The following DOCK10 variants were observed in gnomAD, a reference collection of about 807,000 sequenced individuals.
DOCK10 encodes the protein dedicator of cytokinesis 10.
DOCK10 carries 145 observed loss-of-function variants against 280.1 expected under a neutral mutation model. The observed-to-expected ratio is 0.52, with a 90% CI of 0.45 to 0.59. The LOEUF is 0.59. DOCK10 is among the 20% of genes least tolerant of loss of function. The pLI, the probability that DOCK10 is intolerant of heterozygous loss-of-function variation, is 0.00. For synonymous variants in DOCK10, 915 were observed against 942.2 expected (o/e 0.97, Z 0.53); for missense variants, 2,368 against 2,651.7 (o/e 0.89, Z 2.35).
intron 1 of DOCK10, among the ~76,000 whole-genome samples, chr2:224,952,623 T>C (rs865785778): frequency 1.3e-3 from 201 of 150,818 alleles, no homozygotes; most frequent in African/African-American, 4.7e-3. Flanking sequence ...GACGGAGTCT[T>C]GCTCTGTCGC....
chr2:224,870,335 C>T (rs140622386), intron 11 of DOCK10, among the ~76,000 whole-genome samples: 2,164 of 152,274 alleles, frequency 0.014, 45 homozygotes, highest in Admixed American at 0.043. Context: ...GTATGTCTTT[C>T]TTAGCAGCAT....
chr2:224,907,895 C>T (rs1700754866), intron 3 of DOCK10, among the ~76,000 whole-genome samples: 1 of 152,200 alleles, frequency 6.6e-6, no homozygotes, highest in Non-Finnish European at 1.5e-5. Context: ...ATCACATTTA[C>T]ATTAGCATTT....
Position 224,977,479 on chromosome 2 carries a change from T to C in DOCK10, c.124-45811A>G, listed in dbSNP as rs149526622. ...ACTTCTGGGGTTGGTGATGAGTAAA[T>C]GACATAGGAAATAATAGACATTAAC... On this transcript the variant is annotated intron_variant, in intron 1 of 55. Transcript: ENST00000258390. Among the ~76,000 whole-genome samples the C allele has an allele frequency of 1.7e-4, 26 of 152,216 alleles. 2 individuals are homozygous for C. The East Asian group carries it at 5.0e-3, about 29-fold the overall frequency.
intron 2 of DOCK10, among the ~76,000 whole-genome samples, chr2:224,930,845 GTTAGATA>G (rs1348816947): frequency 1.3e-5 from 2 of 152,218 alleles, no homozygotes; most frequent in African/African-American, 2.4e-5. Context: ...CTGTTTGACA[GTTAGATA>G]TTAGATCACA....
chr2:224,874,953 G>C (rs1470426753), intron 8 of DOCK10, among the ~76,000 whole-genome samples: 2 of 152,096 alleles, frequency 1.3e-5, no homozygotes, highest in African/African-American at 4.8e-5. Flanking sequence ...TGATCATTTT[G>C]GGATTCTTGC....
intron 50 of DOCK10, among the ~76,000 whole-genome samples, chr2:224,780,366 A>C (rs2125033068): frequency 6.6e-6 from 1 of 152,304 alleles, no homozygotes; most frequent in Non-Finnish European, 1.5e-5. Context: ...TGACAGACTG[A>C]CACATCAGAG....
chr2:224,812,165 G>A (rs980451732), intron 31 of DOCK10, among the ~76,000 whole-genome samples: 2 of 152,134 alleles, frequency 1.3e-5, no homozygotes, highest in East Asian at 1.9e-4. Flanking sequence ...ATTTCACTGA[G>A]CAGTGGTTTG....
intron 18 of DOCK10, among the ~76,000 whole-genome samples, chr2:224,850,812 C>T (rs75448129): frequency 0.13 from 19,452 of 152,012 alleles, 1,572 homozygotes; most frequent in East Asian, 0.31. Flanking sequence ...TCACCTGCCA[C>T]CATGTAAGAC....
At chr2:225,016,468 T>G (rs1188738053) in intron 1 of DOCK10, among the ~76,000 whole-genome samples, 1 of 150,902 alleles carries the variant, frequency 6.6e-6, no homozygotes, top group Admixed American at 6.6e-5. Flanking sequence ...GCACATTCTT[T>G]CTCAAATAGC....
intron 1 of DOCK10, among the ~76,000 whole-genome samples, chr2:225,026,309 T>C (rs1399588859): frequency 6.6e-6 from 1 of 152,180 alleles, no homozygotes; most frequent in African/African-American, 2.4e-5. Flanking sequence ...GGCTATATCA[T>C]GATCAAAGCT....
At chr2:224,947,584 GAC>G (rs1269052115) in intron 1 of DOCK10, among the ~76,000 whole-genome samples, 1 of 152,288 alleles carries the variant, frequency 6.6e-6, no homozygotes, top group South Asian at 2.1e-4. Context: ...CACAGACATG[GAC>G]TCCTTGAATC....
At chr2:224,796,000 C>G (rs1052290345) in intron 44 of DOCK10, among the ~76,000 whole-genome samples, 1 of 151,058 alleles carries the variant, frequency 6.6e-6, no homozygotes, top group Non-Finnish European at 1.5e-5. Context: ...TGATAGTTTA[C>G]TTTGAGGAGT....
At chr2:224,938,869 G>A (rs1440719023) in intron 1 of DOCK10, among the ~76,000 whole-genome samples, 1 of 152,166 alleles carries the variant, frequency 6.6e-6, no homozygotes, top group Non-Finnish European at 1.5e-5. Flanking sequence ...TCAAATGTTT[G>A]AGCTTCTGAA....
intron 3 of DOCK10, among the ~76,000 whole-genome samples, chr2:224,898,767 G>A (rs1241408855): frequency 1.3e-5 from 2 of 152,094 alleles, no homozygotes; most frequent in Admixed American, 1.3e-4. Flanking sequence ...TAGTAGAGAC[G>A]GGGTTCACCG....
intron 1 of DOCK10, chr2:224,946,718 G>T: frequency 1.8e-6 from 1 of 555,714 alleles, no homozygotes; most frequent in South Asian, 5.0e-5. Flanking sequence ...GGACCCAAAT[G>T]GAATCTTCTG....
intron 1 of DOCK10, among the ~76,000 whole-genome samples, chr2:225,025,181 A>C (rs1038712846): frequency 2.6e-5 from 4 of 152,174 alleles, no homozygotes; most frequent in African/African-American, 9.7e-5. Flanking sequence ...TCTTGAGGAG[A>C]TATCGAGTGA....
At chr2:225,035,512 C>T (rs1442622939) in intron 1 of DOCK10, among the ~76,000 whole-genome samples, 6 of 106,182 alleles carry the variant, frequency 5.7e-5, no homozygotes, top group South Asian at 6.3e-4. Context: ...AATATCATAT[C>T]AATATAGATC....
intron 52 of DOCK10, among the ~76,000 whole-genome samples, chr2:224,773,638 CTTT>C (rs759735884): frequency 6.9e-6 from 1 of 144,946 alleles, no homozygotes; most frequent in African/African-American, 2.5e-5. Flanking sequence ...TTCTTTCTAT[CTTT>C]TTTTTTTTTT....
At chr2:224,808,113 G>A in intron 31 of DOCK10, 27 bp from the exon 32 acceptor site, 1 of 1,589,192 alleles carries the variant, frequency 6.3e-7, no homozygotes, top group Non-Finnish European at 8.6e-7. Context: ...AATAACTCAT[G>A]TTATTGAAAA....
Sources: allele counts gnomAD v4.1 joint callset (sites outside exome capture counted in the v4.1 genomes callset), GRCh38; gene constraint gnomAD v4.1.1; transcripts MANE v1.5; gene names NCBI Gene and HGNC (gene_info 2026-07-23, HGNC 2026-07-21).